Variants in SLC39A11 observed in about 807,000 individuals in gnomAD.
SLC39A11 encodes the protein solute carrier family 39 member 11.
Under a neutral mutation model 36.1 loss-of-function variants are expected in SLC39A11, and 33 were observed. That is an observed-to-expected ratio of 0.91 (90% CI 0.69 to 1.22). The LOEUF is 1.22. Ranked by LOEUF, SLC39A11 falls within the 50% of genes most tolerant of loss-of-function variation. The pLI is 0.00. For synonymous variants in SLC39A11, 166 were observed against 170.3 expected, an observed-to-expected ratio of 0.97 and a Z score of 0.20; for missense variants, 432 against 430.3, an observed-to-expected ratio of 1.00 and a Z score of -0.03.
intron 6 of SLC39A11, among the ~76,000 whole-genome samples, chr17:72,849,058 T>A (rs976431662): frequency 6.6e-6 from 1 of 150,740 alleles, no homozygotes; most frequent in African/African-American, 2.4e-5. Context: ...TATAGCAATC[T>A]CAAGAAAAAA....
At chr17:72,983,762 G>C (rs895283860) in intron 4 of SLC39A11, among the ~76,000 whole-genome samples, 1 of 152,152 alleles carries the variant, frequency 6.6e-6, no homozygotes, top group Non-Finnish European at 1.5e-5. Context: ...TCAGAGCCAG[G>C]CTCTTCACCC....
intron 6 of SLC39A11, among the ~76,000 whole-genome samples, chr17:72,794,330 C>T (rs933908471): frequency 1.3e-5 from 2 of 152,110 alleles, no homozygotes; most frequent in African/African-American, 4.8e-5. Flanking sequence ...CAGAGGCAAC[C>T]AGCCCCCACC....
intron 1 of SLC39A11, among the ~76,000 whole-genome samples, chr17:73,089,010 G>GC (rs1252737254): frequency 2.0e-5 from 3 of 152,204 alleles, no homozygotes; most frequent in Non-Finnish European, 4.4e-5. Context: ...ACAGGGAGAT[G>GC]CCAGGGGAAT....
At chr17:72,838,857 C>T (rs2078685375) in intron 6 of SLC39A11, among the ~76,000 whole-genome samples, 1 of 152,156 alleles carries the variant, frequency 6.6e-6, no homozygotes, top group South Asian at 2.1e-4. Context: ...TGAGGGATAA[C>T]ATGGAGTTAT....
At chr17:72,939,887 T>A (rs1389489337) in intron 5 of SLC39A11, among the ~76,000 whole-genome samples, 1 of 152,192 alleles carries the variant, frequency 6.6e-6, no homozygotes, top group African/African-American at 2.4e-5. Context: ...TTTGGAATAT[T>A]TGCATTATTT....
chr17:72,963,623 G>A (rs1234770813), intron 4 of SLC39A11, among the ~76,000 whole-genome samples: 1 of 152,180 alleles, frequency 6.6e-6, no homozygotes, highest in Non-Finnish European at 1.5e-5. Context: ...CATGTGTTAT[G>A]AATAAGATGT....
intron 5 of SLC39A11, among the ~76,000 whole-genome samples, chr17:72,893,374 T>G (rs762593593): frequency 1.3e-5 from 2 of 152,092 alleles, no homozygotes; most frequent in Non-Finnish European, 2.9e-5. Flanking sequence ...GGCAGGAGAA[T>G]TGCTTGAAAT....
chr17:72,836,018 A>G (rs536657801), intron 6 of SLC39A11, among the ~76,000 whole-genome samples: 2 of 152,166 alleles, frequency 1.3e-5, no homozygotes, highest in South Asian at 4.2e-4. Context: ...ACAGGCATTC[A>G]TTTTACACAT....
chr17:72,976,169 C>CAAAAAA (rs71154939), intron 4 of SLC39A11, among the ~76,000 whole-genome samples: 2 of 68,352 alleles, frequency 2.9e-5, no homozygotes, highest in African/African-American at 6.0e-5. Context: ...GACTCCATCT[C>CAAAAAA]AAAAAAAAAA....
chr17:72,771,670 G>A (rs1078544), intron 6 of SLC39A11, among the ~76,000 whole-genome samples: 17,402 of 152,152 alleles, frequency 0.11, 1,378 homozygotes, highest in African/African-American at 0.23. Flanking sequence ...AAAAAAGACT[G>A]TGCGGTAATG....
chr17:73,031,566 A>G lies in SLC39A11; in HGVS notation c.296T>C (p.Met99Thr), dbSNP rs1598932691. ...AAFVYLADLL[M>T]PHLGAAEDPQ... is the part of the protein sequence containing the mutation. ...TAGAGTGGTACTCACCAAGTGAGGC[A>G]TCAGGAGGTCAGCCAAGTAGACAAA... Residue 99 changes from methionine to threonine, a missense_variant, in exon 4 of 10, where the codon ATG becomes ACG. Coordinates refer to ENST00000255559, the MANE Select transcript of SLC39A11 (RefSeq NM_139177.4). The G allele has an allele frequency of 1.2e-6, 2 of 1,614,190 alleles. No homozygotes were observed. Among genetic ancestry groups the G allele is most frequent in the South Asian group, 2.2e-5 (2 of 91,076 alleles).
intron 4 of SLC39A11, among the ~76,000 whole-genome samples, chr17:72,997,280 G>C (rs941403317): frequency 2.6e-5 from 4 of 152,132 alleles, no homozygotes; most frequent in Non-Finnish European, 5.9e-5. Flanking sequence ...TTGAGATGGA[G>C]TCTCGCTCTG....
intron 4 of SLC39A11, among the ~76,000 whole-genome samples, chr17:72,959,348 T>C (rs911817666): frequency 2.2e-5 from 3 of 137,678 alleles, no homozygotes; most frequent in Non-Finnish European, 4.6e-5. Flanking sequence ...TATATATATA[T>C]ATATATATAT....
chr17:72,935,460 T>C (rs991049434), intron 5 of SLC39A11, among the ~76,000 whole-genome samples: 1 of 152,166 alleles, frequency 6.6e-6, no homozygotes, highest in Non-Finnish European at 1.5e-5. Context: ...TCTCCTATGG[T>C]GATGGTTACA....
intron 3 of SLC39A11, among the ~76,000 whole-genome samples, chr17:73,061,293 G>C (rs958740077): frequency 1.2e-4 from 19 of 152,122 alleles, no homozygotes; most frequent in African/African-American, 4.6e-4. Context: ...CCAGAAGGCA[G>C]AGGTTGCAGT....
intron 7 of SLC39A11, among the ~76,000 whole-genome samples, chr17:72,704,457 G>A (rs1205054917): frequency 6.6e-6 from 1 of 152,166 alleles, no homozygotes; most frequent in African/African-American, 2.4e-5. Context: ...CAAAGATGCG[G>A]CTAGATTCAC....
At chr17:73,084,968 C>G (rs1040888567) in intron 2 of SLC39A11, 122 bp from the exon 3 acceptor site, 2 of 973,630 alleles carry the variant, frequency 2.1e-6, no homozygotes, top group Non-Finnish European at 3.2e-6. Context: ...CTCCTGAGCT[C>G]GTGAGCTACT....
intron 5 of SLC39A11, among the ~76,000 whole-genome samples, chr17:72,926,588 T>C (rs2084061616): frequency 6.6e-6 from 1 of 152,134 alleles, no homozygotes; most frequent in Non-Finnish European, 1.5e-5. Flanking sequence ...CCTTTGTTTT[T>C]AAACTTGATT....
intron 3 of SLC39A11, chr17:73,068,294 C>A: frequency 3.1e-6 from 2 of 649,894 alleles, no homozygotes; most frequent in Admixed American, 2.6e-5. Flanking sequence ...CACCATCTTG[C>A]TTGGAGAGAC....
Sources: gnomAD v4.1 joint callset for allele counts (sites outside exome capture counted in the v4.1 genomes callset) on GRCh38, gnomAD v4.1.1 for gene constraint, MANE v1.5 for transcripts, NCBI Gene and HGNC (gene_info 2026-07-23, HGNC 2026-07-21) for gene names.